The following SLC35F2 variants were observed in gnomAD, a reference collection of about 807,000 sequenced individuals.
SLC35F2 encodes the protein solute carrier family 35 member F2, also known as queuine/queuosine transporter SLC35F2.
Under a neutral mutation model 38.1 loss-of-function variants are expected in SLC35F2, and 25 were observed. The observed-to-expected ratio is 0.66, with a 90% CI of 0.48 to 0.92. SLC35F2 has a LOEUF of 0.92. Ranked by LOEUF, SLC35F2 falls within the 40% of genes least tolerant of loss-of-function variation. The pLI is 0.00. For missense variants in SLC35F2, 409 were observed against 452.9 expected (o/e 0.90, Z 0.88); for synonymous variants, 173 against 181.7 (o/e 0.95, Z 0.38).
intron 1 of SLC35F2, among the ~76,000 whole-genome samples, chr11:107,857,071 G>A (rs1463881457): frequency 2.0e-5 from 3 of 147,660 alleles, no homozygotes; most frequent in Non-Finnish European, 4.5e-5. Context: ...GAGGGAACTG[G>A]AGCACAGAGA....
At chr11:107,835,668 G>C (rs480641) in intron 1 of SLC35F2, among the ~76,000 whole-genome samples, 46 of 151,928 alleles carry the variant, frequency 3.0e-4, no homozygotes, top group African/African-American at 9.9e-4. Context: ...GGACTCAAGC[G>C]ATCTGCCTGC....
chr11:107,809,204 C>T lies in SLC35F2; in HGVS notation c.415-2328G>A, dbSNP rs145138191. Among the ~76,000 whole-genome samples the T allele has an allele frequency of 3.6e-3, 544 of 152,078 alleles. 1 individual carries two copies. Among genetic ancestry groups the T allele is most frequent in the Non-Finnish European group, 5.3e-3 (362 of 67,964 alleles). On this transcript the variant is annotated intron_variant, in intron 3 of 7. Coordinates refer to ENST00000525815, the MANE Select transcript of SLC35F2 (RefSeq NM_017515.5). ...TCTTTTCAAAATGTATTCTTGGTGG[C>T]CGGGAGTGGTGGCTCATGCCTGTAA...
chr11:107,815,380 T>A (rs1426867277), intron 2 of SLC35F2, among the ~76,000 whole-genome samples: 2 of 134,370 alleles, frequency 1.5e-5, no homozygotes, highest in East Asian at 2.1e-4. Flanking sequence ...CAAAAACCCA[T>A]CTCTAAAATA....
At position 107,803,127 on chromosome 11, in the gene SLC35F2, A is replaced by C; in HGVS notation, c.813T>G (p.Cys271Trp). 6.2e-7 allele frequency: 1 copy of C among 1,611,996 alleles called. No individual in the cohort carries two copies. Among genetic ancestry groups the C allele is most frequent in the Non-Finnish European group, 8.5e-7 (1 of 1,179,550 alleles). The change falls in exon 7 of 8, where the codon TGT (cysteine) becomes TGG (tryptophan). Residue 271 changes from cysteine to tryptophan, a missense_variant. Coordinates refer to ENST00000525815, the MANE Select transcript of SLC35F2 (RefSeq NM_017515.5). ...IALLFVAFAL[C>W]MFCLYSFMPL... ...GCATGAAGCTGTACAGGCAAAACAT[A>C]CACAGGGCAAATGCCACGAACAGCA...
intron 1 of SLC35F2, among the ~76,000 whole-genome samples, chr11:107,858,000 C>T (rs1056492896): frequency 1.3e-5 from 2 of 152,184 alleles, no homozygotes; most frequent in Admixed American, 1.3e-4. Flanking sequence ...CCTCCAGCAA[C>T]CACAGAAACG....
At chr11:107,843,923 C>T (rs1402654457) in intron 1 of SLC35F2, among the ~76,000 whole-genome samples, 1 of 127,976 alleles carries the variant, frequency 7.8e-6, no homozygotes, top group African/African-American at 3.0e-5. Context: ...ATTAATTAAG[C>T]CATTCATGAG....
Position 107,806,853 on chromosome 11 carries a change from A to C in SLC35F2, c.438T>G (p.Pro146=). The change falls in exon 4 of 8, where the codon CCT becomes CCG. Residue 146 remains proline (P), a synonymous_variant. Transcript: ENST00000525815. ...TAAACCATGACAGAGCCATCAACAC[A>C]GGAATCCCAAAGCAATCCAAAAGCT... ...SVQLLDCFGI[P]VLMALSWFIL... 1.2e-6 allele frequency: 2 copies of C among 1,614,044 alleles called. No homozygotes were observed. The highest frequency in any genetic ancestry group is 1.1e-5 in the South Asian group (1 of 91,056).
At chr11:107,842,311 A>G (rs1050796256) in intron 1 of SLC35F2, among the ~76,000 whole-genome samples, 1 of 144,580 alleles carries the variant, frequency 6.9e-6, no homozygotes, top group African/African-American at 2.5e-5. Flanking sequence ...AAGTTGTTTT[A>G]CAGGATTTCT....
At chr11:107,841,046 T>C (rs931230911) in intron 1 of SLC35F2, among the ~76,000 whole-genome samples, 2 of 152,184 alleles carry the variant, frequency 1.3e-5, no homozygotes, top group Admixed American at 6.5e-5. Flanking sequence ...CAACTTCTCC[T>C]AATTTAATCC....
intron 1 of SLC35F2, among the ~76,000 whole-genome samples, chr11:107,818,436 G>T (rs1218988700): frequency 6.6e-6 from 1 of 152,138 alleles, no homozygotes; most frequent in East Asian, 1.9e-4. Context: ...CAACATCGAG[G>T]TATCCCACCT....
intron 1 of SLC35F2, among the ~76,000 whole-genome samples, chr11:107,842,241 G>C (rs1259974614): frequency 1.3e-5 from 1 of 77,802 alleles, no homozygotes; most frequent in Non-Finnish European, 2.2e-5. Context: ...GGGCGACAGA[G>C]TGAGACTCCG....
chr11:107,801,499 T>A (rs917081121), intron 7 of SLC35F2, among the ~76,000 whole-genome samples: 1 of 152,198 alleles, frequency 6.6e-6, no homozygotes, highest in Non-Finnish European at 1.5e-5. Context: ...AGTTAATAAG[T>A]ATTTTTTAAT....
At chr11:107,841,292 G>A (rs976627160) in intron 1 of SLC35F2, among the ~76,000 whole-genome samples, 2 of 152,208 alleles carry the variant, frequency 1.3e-5, no homozygotes, top group South Asian at 2.1e-4. Context: ...GCCGGGTGTG[G>A]CAGCTCATGC....
intron 1 of SLC35F2, among the ~76,000 whole-genome samples, chr11:107,831,418 A>C (rs1401736644): frequency 1.3e-5 from 2 of 152,082 alleles, no homozygotes; most frequent in Non-Finnish European, 2.9e-5. Flanking sequence ...ACAAGGCCTC[A>C]CTCACTATGT....
At chr11:107,844,900 C>T (rs1382103140) in intron 1 of SLC35F2, among the ~76,000 whole-genome samples, 1 of 150,232 alleles carries the variant, frequency 6.7e-6, no homozygotes, top group Admixed American at 6.7e-5. Context: ...GGCGTGAACC[C>T]GGGAGGCAGA....
At chr11:107,801,891 G>A (rs1387732830) in intron 7 of SLC35F2, among the ~76,000 whole-genome samples, 1 of 152,120 alleles carries the variant, frequency 6.6e-6, no homozygotes, top group Non-Finnish European at 1.5e-5. Flanking sequence ...CTGACTAAGG[G>A]TAAGTCACTG....
chr11:107,850,944 T>C (rs756949632), intron 1 of SLC35F2, among the ~76,000 whole-genome samples: 3 of 151,920 alleles, frequency 2.0e-5, no homozygotes, highest in Non-Finnish European at 4.4e-5. Flanking sequence ...GGTTGGGAAT[T>C]CGCGACTAGC....
chr11:107,854,548 A>G (rs1032669793), intron 1 of SLC35F2, among the ~76,000 whole-genome samples: 6 of 152,206 alleles, frequency 3.9e-5, no homozygotes, highest in Middle Eastern at 3.2e-3. Context: ...GTAATAAATC[A>G]CAAAAGCCAA....
chr11:107,810,837 T>C, intron 3 of SLC35F2: 1 of 979,988 alleles, frequency 1.0e-6, no homozygotes, highest in Non-Finnish European at 1.2e-6. Flanking sequence ...TTTCAATTTT[T>C]CCAGTCCCTA....
Sources: gnomAD v4.1 joint callset for allele counts (sites outside exome capture counted in the v4.1 genomes callset) on GRCh38, gnomAD v4.1.1 for gene constraint, MANE v1.5 for transcripts, NCBI Gene and HGNC (gene_info 2026-07-23, HGNC 2026-07-21) for gene names.